CAST: variants seen among roughly 807,000 people sequenced by gnomAD.
CAST encodes calpastatin, also known as MIR583 host.
In CAST, 76 loss-of-function variants were observed where a neutral mutation model predicts 119.6. The observed-to-expected ratio is 0.64, with a 90% CI of 0.53 to 0.77. The LOEUF (loss-of-function observed/expected upper bound fraction) is 0.77, where lower values mean the gene tolerates loss of function less well. CAST is among the 30% of genes least tolerant of loss of function. CAST has a pLI of 0.00. For synonymous variants in CAST, 319 were observed against 331.6 expected, an observed-to-expected ratio of 0.96 and a Z score of 0.41; for missense variants, 953 against 946.5, an observed-to-expected ratio of 1.01 and a Z score of -0.09.
chr5:96,707,678 A>T (rs772909630), intron 3 of CAST, among the ~76,000 whole-genome samples: 5 of 152,172 alleles, frequency 3.3e-5, no homozygotes, highest in Non-Finnish European at 7.4e-5. Flanking sequence ...ACTGATGTTC[A>T]TGGCCCACGT....
At chr5:96,326,922 C>T in the CAST span, among the ~76,000 whole-genome samples, 18 of 152,026 alleles carry the variant, frequency 1.2e-4, no homozygotes, top group East Asian at 1.9e-4. Context: ...TGTTTTTATC[C>T]GTCTGCTCAG....
intron 1 of CAST, among the ~76,000 whole-genome samples, chr5:96,665,850 G>A (rs1017547064): frequency 6.6e-6 from 1 of 151,942 alleles, no homozygotes; most frequent in African/African-American, 2.4e-5. Context: ...TAATACATAT[G>A]TAGACATCTA....
At chr5:96,070,237 T>A in the CAST span, among the ~76,000 whole-genome samples, 6 of 152,334 alleles carry the variant, frequency 3.9e-5, no homozygotes, top group South Asian at 1.2e-3. Context: ...TCCAAAGCCC[T>A]TTGTTTATAA....
At chr5:96,532,068 C>A (rs1443003877) in intron 1 of CAST, among the ~76,000 whole-genome samples, 1 of 151,946 alleles carries the variant, frequency 6.6e-6, no homozygotes, top group African/African-American at 2.4e-5. Flanking sequence ...GGCTAGGCAA[C>A]AAAGCAAGAC....
the CAST span, among the ~76,000 whole-genome samples, chr5:96,480,675 CAAAGAA>C: frequency 6.6e-6 from 1 of 152,052 alleles, no homozygotes; most frequent in Non-Finnish European, 1.5e-5. Flanking sequence ...ATCCAGAAGA[CAAAGAA>C]AGAGTGGTTT....
chr5:96,017,719 CTT>C, the CAST span, among the ~76,000 whole-genome samples: 1,166 of 152,172 alleles, frequency 7.7e-3, 15 homozygotes, highest in African/African-American at 0.027. Context: ...TAGGACCCCT[CTT>C]AGCATTTATA....
the CAST span, among the ~76,000 whole-genome samples, chr5:96,299,179 A>G: frequency 1.4e-4 from 21 of 152,080 alleles, no homozygotes. Context: ...CGGGAAGCAG[A>G]GGTTGTAGTG....
At chr5:96,487,542 A>G in the CAST span, among the ~76,000 whole-genome samples, 1 of 152,206 alleles carries the variant, frequency 6.6e-6, no homozygotes, top group African/African-American at 2.4e-5. Flanking sequence ...CCATGAGACA[A>G]ATCTATTCTC....
chr5:96,559,643 A>T lies in CAST; in HGVS notation c.60+29763A>T, dbSNP rs956098230. On this transcript the variant is annotated intron_variant, in intron 1 of 11. Transcript: ENST00000505143. Reference sequence around the variant, plus strand: ...AATAAAATACCTAGGAATCCAACTTACAAGGGACGTAAAGGACCCCTTCAA... The same window carrying T: ...AATAAAATACCTAGGAATCCAACTTTCAAGGGACGTAAAGGACCCCTTCAA... Among the ~76,000 whole-genome samples the T allele has an allele frequency of 7.9e-5, 12 of 152,348 alleles. No homozygotes were observed. The East Asian group carries it at 2.3e-3, about 29-fold the overall frequency.
At chr5:96,663,548 T>C (rs1340073945) in intron 1 of CAST, among the ~76,000 whole-genome samples, 1 of 152,226 alleles carries the variant, frequency 6.6e-6, no homozygotes, top group African/African-American at 2.4e-5. Flanking sequence ...TAGAGTTCTT[T>C]TTTAACCCCT....
chr5:96,131,061 A>G, the CAST span, among the ~76,000 whole-genome samples: 4 of 152,108 alleles, frequency 2.6e-5, no homozygotes, highest in African/African-American at 9.6e-5. Context: ...CAATGAAAAT[A>G]CATATGCATT....
the CAST span, among the ~76,000 whole-genome samples, chr5:96,440,913 T>C: frequency 1.9e-4 from 29 of 152,276 alleles, no homozygotes; most frequent in African/African-American, 5.1e-4. Context: ...AGATGAACAC[T>C]ATTTCAAAGA....
the CAST span, among the ~76,000 whole-genome samples, chr5:96,025,365 G>A: frequency 1.3e-5 from 2 of 152,000 alleles, no homozygotes; most frequent in Admixed American, 1.3e-4. Context: ...TCTTATAAAG[G>A]CACTAATCTT....
At chr5:96,270,968 G>A in the CAST span, among the ~76,000 whole-genome samples, 1 of 151,290 alleles carries the variant, frequency 6.6e-6, no homozygotes, top group Non-Finnish European at 1.5e-5. Context: ...ACAAAAAGCA[G>A]TAACATTTTA....
chr5:96,211,758 T>G, the CAST span, among the ~76,000 whole-genome samples: 1 of 152,048 alleles, frequency 6.6e-6, no homozygotes, highest in Non-Finnish European at 1.5e-5. Flanking sequence ...TGAAATCATC[T>G]GGGCCTGATA....
chr5:96,486,772 G>A, the CAST span, among the ~76,000 whole-genome samples: 1 of 152,138 alleles, frequency 6.6e-6, no homozygotes, highest in African/African-American at 2.4e-5. Flanking sequence ...CAGGCCCTTA[G>A]AGCCTGCTCC....
In CAST at chr5:96,664,354, AAT is replaced by A. The variant is rs200478446; in HGVS notation, c.75+1862_75+1863del. Among the ~76,000 whole-genome samples, 596 of 151,800 alleles carry A rather than the reference AAT, an allele frequency of 3.9e-3. 11 individuals are homozygous for A. Among genetic ancestry groups the A allele is most frequent in the South Asian group, 0.034 (162 of 4,800 alleles). ...ATATATGTGTGTGCATATATATGTAAATATATGTGTGTGTGCATATATATGTG... is the reference window on the plus strand; with the variant it reads ...ATATATGTGTGTGCATATATATGTAAATATGTGTGTGTGCATATATATGTG... On this transcript the variant is annotated intron_variant, in intron 1 of 31. Transcript: ENST00000675179.
intron 1 of CAST, among the ~76,000 whole-genome samples, chr5:96,590,275 G>GC (rs1446613536): frequency 6.6e-6 from 1 of 152,198 alleles, no homozygotes; most frequent in Non-Finnish European, 1.5e-5. Flanking sequence ...ATACCCAGAT[G>GC]ATACACAAGC....
the CAST span, among the ~76,000 whole-genome samples, chr5:96,428,044 A>T: frequency 2.6e-5 from 4 of 152,292 alleles, no homozygotes; most frequent in South Asian, 8.3e-4. Context: ...CCGTGGTCCT[A>T]ATACAGCATT....
Sources: allele counts gnomAD v4.1 joint callset (sites outside exome capture counted in the v4.1 genomes callset), GRCh38; gene constraint gnomAD v4.1.1; transcripts MANE v1.5; gene names NCBI Gene and HGNC (gene_info 2026-07-23, HGNC 2026-07-21).